The following PYY variants were observed in gnomAD, a reference collection of about 807,000 sequenced individuals.
PYY encodes the protein peptide tyrosine tyrosine.
Under a neutral mutation model 10.3 loss-of-function variants are expected in PYY, and 12 were observed. The ratio of observed to expected loss-of-function variants is 1.17; its 90% CI spans 0.75 to 1.89. The LOEUF (loss-of-function observed/expected upper bound fraction) is 1.89, where lower values mean the gene tolerates loss of function less well. Ranked by LOEUF, PYY falls within the 40% of genes most tolerant of loss-of-function variation. PYY has a pLI of 0.00. For missense variants in PYY, 141 were observed against 134.0 expected (o/e 1.05, Z -0.26); for synonymous variants, 66 against 62.0 (o/e 1.06, Z -0.30).
intron 1 of PYY, among the ~76,000 whole-genome samples, chr17:43,996,332 C>G (rs1298667945): frequency 6.6e-6 from 1 of 152,144 alleles, no homozygotes; most frequent in East Asian, 1.9e-4. Flanking sequence ...CTTGCTGTCC[C>G]AGCTCCAGCC....
At chr17:43,955,131 A>G (rs1400938212), upstream of PYY, among the ~76,000 whole-genome samples, 1 of 152,210 alleles carries the variant, frequency 6.6e-6, no homozygotes, top group Non-Finnish European at 1.5e-5. Context: ...TAGGGCCCAC[A>G]CCCACTCTGA....
At chr17:43,964,598 A>G (rs1453764208) in intron 2 of PYY, among the ~76,000 whole-genome samples, 1 of 152,236 alleles carries the variant, frequency 6.6e-6, no homozygotes, top group Non-Finnish European at 1.5e-5. Flanking sequence ...TAAAAATACA[A>G]AATTAGCCAG....
At chr17:43,999,768 C>CAA (rs199527024) in intron 1 of PYY, among the ~76,000 whole-genome samples, 139 of 129,208 alleles carry the variant, frequency 1.1e-3, no homozygotes, top group African/African-American at 2.7e-3. Flanking sequence ...AACTCCGTCT[C>CAA]AAAAAAAAAA....
chr17:43,994,742 G>A (rs572835156), intron 1 of PYY, among the ~76,000 whole-genome samples: 2 of 152,190 alleles, frequency 1.3e-5, no homozygotes, highest in Non-Finnish European at 2.9e-5. Flanking sequence ...TGATTCCCCC[G>A]TTAGGCTGCA....
rs536382148 is a variant in PYY, at chr17:43,994,236, C to G, written c.-463+10155G>C. Among the ~76,000 whole-genome samples, 12 of 152,204 alleles carry G rather than the reference C, an allele frequency of 7.9e-5. No individual in the cohort carries two copies. The East Asian group carries it at 1.4e-3, about 17-fold the overall frequency. ...CTGTCTGTTCCCACTGCCAGGCCCC[C>G]CTCTCTCTGCCTGGGAACTGTTCTT... On this transcript the variant is annotated intron_variant, in intron 1 of 6. Transcript: ENST00000360085.
At chr17:43,976,280 T>C (rs147643788) in intron 1 of PYY, among the ~76,000 whole-genome samples, 4,235 of 33,358 alleles carry the variant, frequency 0.13, 785 homozygotes, top group African/African-American at 0.26. Context: ...TACGTATATA[T>C]ACGCATATGT....
intron 2 of PYY, among the ~76,000 whole-genome samples, chr17:43,959,626 G>A (rs1238316699): frequency 6.6e-6 from 1 of 152,242 alleles, no homozygotes; most frequent in Non-Finnish European, 1.5e-5. Flanking sequence ...AGATTGTAAT[G>A]AGCCAAGATC....
chr17:43,981,819 T>G (rs1411852480), intron 1 of PYY, among the ~76,000 whole-genome samples: 1 of 152,192 alleles, frequency 6.6e-6, no homozygotes, highest in Non-Finnish European at 1.5e-5. Context: ...TTGGTTATCC[T>G]CTGTTGTGAA....
chr17:43,976,168 CATATAT>C (rs1381303775), intron 1 of PYY, among the ~76,000 whole-genome samples: 12 of 90,148 alleles, frequency 1.3e-4, no homozygotes, highest in African/African-American at 9.3e-4. Context: ...TACATGCATG[CATATAT>C]GTATATATAC....
intron 1 of PYY, among the ~76,000 whole-genome samples, chr17:43,990,233 T>C (rs950645011): frequency 2.0e-5 from 3 of 150,438 alleles, no homozygotes; most frequent in African/African-American, 7.3e-5. Context: ...AGGTCAGGAG[T>C]TCGAGACCAG....
rs75143462 is a variant in PYY, at chr17:43,980,929, C to T, written c.-462-14397G>A. Among the ~76,000 whole-genome samples the T allele has an allele frequency of 4.0e-3, 610 of 152,180 alleles. 5 individuals are homozygous for T. Among genetic ancestry groups the T allele is most frequent in the African/African-American group, 0.014 (577 of 41,522 alleles). Reference sequence around the variant, plus strand: ...ATTTATTTATTTGTTGTAGTATTTACAGGCATTTGGATAGTTTCAGGTTTG... The same window carrying T: ...ATTTATTTATTTGTTGTAGTATTTATAGGCATTTGGATAGTTTCAGGTTTG... On this transcript the variant is annotated intron_variant, in intron 1 of 6. Transcript: ENST00000360085.
intron 2 of PYY, among the ~76,000 whole-genome samples, chr17:43,963,865 A>AT (rs2048736622): frequency 6.6e-6 from 1 of 152,078 alleles, no homozygotes; most frequent in Non-Finnish European, 1.5e-5. Context: ...AATACAAAAA[A>AT]TAGCTGAATA....
chr17:43,963,551 A>G (rs1287929076), intron 2 of PYY, among the ~76,000 whole-genome samples: 34 of 136,446 alleles, frequency 2.5e-4, no homozygotes, highest in African/African-American at 9.6e-4. Flanking sequence ...AAGGAAGGGA[A>G]GGAAGGAAGG....
Position 43,953,170 on chromosome 17 carries a change from G to T in PYY, c.208C>A (p.Pro70Thr), listed in dbSNP as rs1188192669. The T allele has an allele frequency of 6.2e-7, 1 of 1,613,934 alleles. No individual in the cohort carries two copies. The highest frequency in any genetic ancestry group is 1.7e-5 in the Admixed American group (1 of 60,026). Residue 70 changes from proline (P) to threonine (T), a missense_variant, in exon 3 of 4, where the codon CCG (proline) becomes ACG (threonine). Coordinates refer to ENST00000692052, the MANE Select transcript of PYY (RefSeq NM_001394028.1). ...AACGTTTTGGAAAGAAGCGTGTCCG[G>T]GCCGTCTCTTTTCCCATACCTGGGG... ...TRQRYGKRDG[P>T]DTLLSKTFFP...
At chr17:44,002,079 C>T (rs1487477072) in intron 1 of PYY, among the ~76,000 whole-genome samples, 1 of 152,138 alleles carries the variant, frequency 6.6e-6, no homozygotes, top group Non-Finnish European at 1.5e-5. Flanking sequence ...GGGGGTGCAG[C>T]CCCTCCACGC....
chr17:43,978,995 A>T (rs1440401856), intron 1 of PYY, among the ~76,000 whole-genome samples: 1 of 152,146 alleles, frequency 6.6e-6, no homozygotes, highest in East Asian at 1.9e-4. Context: ...ATAAATCTCT[A>T]ATGGCTGGAG....
Position 43,952,840 on chromosome 17 carries a change from C to T in PYY, c.*116G>A. Reference sequence around the variant, plus strand: ...CGAGACGCGGGCGGAGGGCCGCACCCGAACCCTGCCCAGACGCCGCCGTCG... The same window carrying T: ...CGAGACGCGGGCGGAGGGCCGCACCTGAACCCTGCCCAGACGCCGCCGTCG... On this transcript the variant is annotated 3_prime_UTR_variant, in exon 4 of 4. Transcript: ENST00000692052. The T allele has an allele frequency of 8.0e-7, 1 of 1,249,012 alleles. No homozygotes were observed. The highest frequency in any genetic ancestry group is 1.1e-6 in the Non-Finnish European group (1 of 917,814). 77.4% of individuals were successfully genotyped at this position (1,249,012 alleles called of 1,614,324 possible).
At chr17:43,998,757 A>G (rs1482652894) in intron 1 of PYY, among the ~76,000 whole-genome samples, 2 of 152,054 alleles carry the variant, frequency 1.3e-5, no homozygotes, top group Non-Finnish European at 2.9e-5. Flanking sequence ...TGGCTCTGAG[A>G]AAAGAGGAAA....
chr17:44,000,159 A>T (rs2049016524), intron 1 of PYY, among the ~76,000 whole-genome samples: 1 of 152,182 alleles, frequency 6.6e-6, no homozygotes, highest in Admixed American at 6.5e-5. Context: ...CTGGAACTAC[A>T]CATGCACACC....
Sources: gnomAD v4.1 joint callset for allele counts (sites outside exome capture counted in the v4.1 genomes callset) on GRCh38, gnomAD v4.1.1 for gene constraint, MANE v1.5 for transcripts, NCBI Gene and HGNC (gene_info 2026-07-23, HGNC 2026-07-21) for gene names.